The following LAMA2 variants were observed in gnomAD, a reference collection of about 807,000 sequenced individuals.
The protein encoded by LAMA2 is laminin subunit alpha-2.
Under a neutral mutation model 364.8 loss-of-function variants are expected in LAMA2, and 269 were observed. That is an observed-to-expected ratio of 0.74 (90% CI 0.67 to 0.82). The LOEUF (loss-of-function observed/expected upper bound fraction) is 0.82. LAMA2 is among the 40% of genes least tolerant of loss of function. The pLI is 0.00. For missense variants in LAMA2, 3,807 were observed against 3,873.2 expected (o/e 0.98, Z 0.45); for synonymous variants, 1,379 against 1,370.6 (o/e 1.01, Z -0.14).
At chr6:129,148,957 C>G in intron 6 of LAMA2, 22 bp from the exon 7 acceptor site, 57 of 1,532,732 alleles carry the variant, frequency 3.7e-5, no homozygotes, top group Non-Finnish European at 4.8e-5. Context: ...AAAATTTGTG[C>G]TTCCTCCCTC....
intron 8 of LAMA2, among the ~76,000 whole-genome samples, chr6:129,159,441 G>A (rs755063944): frequency 6.6e-6 from 1 of 152,226 alleles, no homozygotes; most frequent in African/African-American, 2.4e-5. Context: ...GCGCAGGCAG[G>A]GTGATGGAGG....
At chr6:129,503,382 C>G (rs774379066) in intron 60 of LAMA2, 102 bp downstream of exon 60, 4 of 1,059,028 alleles carry the variant, frequency 3.8e-6, no homozygotes, top group Non-Finnish European at 5.8e-6. Flanking sequence ...CAGACACTGA[C>G]TCTGGCAGAA....
intron 28 of LAMA2, among the ~76,000 whole-genome samples, chr6:129,325,557 ACGTT>A (rs1775226907): frequency 2.0e-5 from 3 of 152,048 alleles, no homozygotes; most frequent in African/African-American, 7.2e-5. Flanking sequence ...AAAAAACAGC[ACGTT>A]TTAAGTTTCT....
chr6:128,924,166 T>A (rs1330034049), intron 1 of LAMA2, among the ~76,000 whole-genome samples: 1 of 152,166 alleles, frequency 6.6e-6, no homozygotes, highest in Admixed American at 6.6e-5. Flanking sequence ...TAATTTGATA[T>A]TTTATCCCTG....
At chr6:129,400,802 C>T (rs1025576334) in intron 37 of LAMA2, among the ~76,000 whole-genome samples, 1 of 152,322 alleles carries the variant, frequency 6.6e-6, no homozygotes, top group East Asian at 1.9e-4. Flanking sequence ...CTTCAAATTT[C>T]ACAGAACTCC....
intron 9 of LAMA2, among the ~76,000 whole-genome samples, chr6:129,173,058 C>CT (rs1780320666): frequency 6.6e-6 from 1 of 152,220 alleles, no homozygotes; most frequent in African/African-American, 2.4e-5. Flanking sequence ...ACCCACTGAC[C>CT]TGCGCCCACT....
chr6:129,293,943 C>A (rs1319821382), intron 20 of LAMA2, among the ~76,000 whole-genome samples: 1 of 152,170 alleles, frequency 6.6e-6, no homozygotes, highest in African/African-American at 2.4e-5. Context: ...TTCCTTGAAT[C>A]TTTCTGTAAT....
At chr6:129,491,579 G>A (rs1784866222) in intron 56 of LAMA2, among the ~76,000 whole-genome samples, 1 of 152,218 alleles carries the variant, frequency 6.6e-6, no homozygotes, top group Non-Finnish European at 1.5e-5. Flanking sequence ...TATACGGTTA[G>A]ACATTACTGC....
rs944413995 is a variant in LAMA2, at chr6:128,959,459, T to G, written c.112+76102T>G. ...ATCTCTTCTCAGAATTTTGAAGATA[T>G]TGCTTCATGGCTCTCAATTCTTCAC... On this transcript the variant is annotated intron_variant, in intron 1 of 64. Coordinates refer to ENST00000421865, the MANE Select transcript of LAMA2 (RefSeq NM_000426.4). Among the ~76,000 whole-genome samples, 4 of 152,322 alleles carry G rather than the reference T, an allele frequency of 2.6e-5. No homozygotes were observed. In the East Asian group the frequency reaches 7.7e-4, roughly 29 times the overall value.
intron 12 of LAMA2, among the ~76,000 whole-genome samples, chr6:129,208,367 G>T (rs1161256350): frequency 6.6e-6 from 1 of 151,990 alleles, no homozygotes; most frequent in African/African-American, 2.4e-5. Context: ...TAAGCATTTG[G>T]TATTAGCTAT....
At chr6:129,165,455 T>A (rs1039831041) in intron 8 of LAMA2, 121 bp from the exon 9 acceptor site, 2 of 638,458 alleles carry the variant, frequency 3.1e-6, no homozygotes, top group East Asian at 5.6e-5. Context: ...ATTCTTATAG[T>A]TTTCTCAATA....
intron 12 of LAMA2, among the ~76,000 whole-genome samples, chr6:129,202,205 A>AG (rs1212492578): frequency 7.4e-4 from 111 of 150,506 alleles, no homozygotes; most frequent in Middle Eastern, 3.5e-3. Flanking sequence ...AAAAAAAAAA[A>AG]AAAAGAAAAG....
intron 8 of LAMA2, among the ~76,000 whole-genome samples, chr6:129,157,179 A>G (rs1000423521): frequency 6.6e-6 from 1 of 152,218 alleles, no homozygotes; most frequent in Non-Finnish European, 1.5e-5. Flanking sequence ...AGGCTTTCAC[A>G]GAAAGCACCG....
At chr6:129,380,940 GTTAAGACAATGAA>G (rs1456685475) in intron 34 of LAMA2, among the ~76,000 whole-genome samples, 1 of 152,190 alleles carries the variant, frequency 6.6e-6, no homozygotes, top group Non-Finnish European at 1.5e-5. Context: ...GCCAGAGGAA[GTTAAGACAATGAA>G]TATGATCTTG....
chr6:129,067,353 G>A (rs1789435587), intron 3 of LAMA2, among the ~76,000 whole-genome samples: 1 of 152,178 alleles, frequency 6.6e-6, no homozygotes, highest in East Asian at 1.9e-4. Flanking sequence ...AGTAGAATCT[G>A]TGGTTAATTA....
At chr6:129,076,395 C>T (rs559448919) in intron 3 of LAMA2, among the ~76,000 whole-genome samples, 1 of 145,782 alleles carries the variant, frequency 6.9e-6, no homozygotes, top group South Asian at 2.1e-4. Context: ...GGGGAAAAAA[C>T]ACCTAAATTG....
At chr6:129,342,218 A>T (rs1454349685) in intron 29 of LAMA2, 125 bp from the exon 30 acceptor site, 18 of 730,370 alleles carry the variant, frequency 2.5e-5, no homozygotes, top group Non-Finnish European at 2.9e-5. Context: ...TGTGTGTGTG[A>T]GTGTGTGTGT....
chr6:129,061,196 G>T (rs1165534861), intron 3 of LAMA2, among the ~76,000 whole-genome samples: 1 of 152,108 alleles, frequency 6.6e-6, no homozygotes, highest in Non-Finnish European at 1.5e-5. Flanking sequence ...GGTCACAAGA[G>T]TTCTCCCCCT....
At chr6:128,958,248 T>C (rs1781273851) in intron 1 of LAMA2, among the ~76,000 whole-genome samples, 1 of 152,132 alleles carries the variant, frequency 6.6e-6, no homozygotes, top group Non-Finnish European at 1.5e-5. Flanking sequence ...GTGGCACACA[T>C]TGTTCTATGA....
Sources: gnomAD v4.1 joint callset for allele counts (sites outside exome capture counted in the v4.1 genomes callset) on GRCh38, gnomAD v4.1.1 for gene constraint, MANE v1.5 for transcripts, NCBI Gene and HGNC (gene_info 2026-07-23, HGNC 2026-07-21) for gene names.